The following FNBP4 variants were observed in gnomAD, a reference collection of about 807,000 sequenced individuals.
FNBP4 encodes the protein formin-binding protein 4.
Under a neutral mutation model 119.3 loss-of-function variants are expected in FNBP4, and 34 were observed. The ratio of observed to expected loss-of-function variants is 0.28; its 90% CI spans 0.22 to 0.38. The LOEUF is 0.38. Among genes scored for constraint, FNBP4 ranks in the 10% least tolerant of loss-of-function variants. FNBP4 has a pLI of 1.00. For synonymous variants in FNBP4, 462 were observed against 430.6 expected (o/e 1.07, Z -0.90); for missense variants, 1,112 against 1,228.9 (o/e 0.90, Z 1.42).
chr11:47,744,278 C>CTTT, intron 7 of FNBP4, 115 bp from the exon 8 acceptor site: 15 of 783,268 alleles, frequency 1.9e-5, no homozygotes, highest in Admixed American at 5.8e-5. Flanking sequence ...ACAGAAAGCA[C>CTTT]TTTTTTTTTT....
In FNBP4 at chr11:47,732,773, C is replaced by G; in HGVS notation, c.1687-103G>C. On this transcript the variant is annotated intron_variant, in intron 10 of 16. Coordinates refer to ENST00000263773, the MANE Select transcript of FNBP4 (RefSeq NM_015308.5). The surrounding 1 kb of genome is among the most constrained non-coding windows in gnomAD (Gnocchi z 4.2). ...TGCTCCAAGACTATATCCCTGTGCT[C>G]TGGCAGGACAGTAGACCAGAGAGGA... is the stretch of plus-strand genomic sequence containing the variant. 1 of 1,081,222 alleles carries G rather than the reference C, an allele frequency of 9.2e-7. No individual in the cohort carries two copies. The highest frequency in any genetic ancestry group is 2.2e-4 in the Middle Eastern group (1 of 4,590). 67.0% of individuals were successfully genotyped at this position (1,081,222 alleles called of 1,614,324 possible).
At chr11:47,754,809 C>G (rs2097612987) in intron 2 of FNBP4, 145 bp from the exon 3 acceptor site, 1 of 843,376 alleles carries the variant, frequency 1.2e-6, no homozygotes, top group Non-Finnish European at 1.8e-6. Context: ...TGAACTACCA[C>G]AGAAGAATAA....
chr11:47,766,915 C>T (rs752494479), intron 1 of FNBP4, 154 bp downstream of exon 1: 835 of 1,339,828 alleles, frequency 6.2e-4, no homozygotes, highest in Non-Finnish European at 7.7e-4. Flanking sequence ...CCTTCTGCGG[C>T]CCGGAGCCCA....
rs760926706 is a variant in FNBP4 at position 47,767,014 on chromosome 11, G to A, written c.220+55C>T. 13 of 1,493,072 alleles carry A rather than the reference G, an allele frequency of 8.7e-6. No individual in the cohort carries two copies. The South Asian group carries it at 8.8e-5, about 10-fold the overall frequency. 92.5% of individuals were successfully genotyped at this position (1,493,072 alleles called of 1,614,324 possible). A position where few individuals can be genotyped will look rare whatever the true frequency, so the allele number is the denominator to read the frequency against. On this transcript the variant is annotated intron_variant, in intron 1 of 16. Transcript: ENST00000263773. Reference sequence around the variant, plus strand: ...CGCCGGGTCTGGCCAGGCGCCGTGAGGAGCCTAGGCCGCAAGCCCTGAGCT... The same window carrying A: ...CGCCGGGTCTGGCCAGGCGCCGTGAAGAGCCTAGGCCGCAAGCCCTGAGCT...
rs1398596765 is a variant in FNBP4, at chr11:47,751,190, G to A, written c.738C>T (p.Pro246=). 3.7e-6 allele frequency: 6 copies of A among 1,613,904 alleles called. No individual in the cohort carries two copies. The Admixed American group carries it at 8.3e-5, about 22-fold the overall frequency. The stretch of plus-strand genomic sequence containing the variant: ...CCTGTACCTGTGTGGCAAGATATTG[G>A]GGTAACTCCCAAGTCACTTCATTTG... ...TQTNEVTWEL[P]QYLATQVQGL... is the part of the protein sequence containing the mutation. The change falls in exon 5 of 17, where the codon CCC becomes CCT. Residue 246 remains proline, a synonymous_variant. Coordinates refer to ENST00000263773, the MANE Select transcript of FNBP4 (RefSeq NM_015308.5).
At chr11:47,747,626 G>C (rs2135205971) in intron 6 of FNBP4, among the ~76,000 whole-genome samples, 2 of 152,214 alleles carry the variant, frequency 1.3e-5, no homozygotes, top group South Asian at 4.1e-4. Context: ...AATTTAGTAA[G>C]TATGCCATGA....
chr11:47,729,920 C>T (rs2097565525), intron 12 of FNBP4: 2 of 985,252 alleles, frequency 2.0e-6, no homozygotes, highest in East Asian at 1.1e-4. Context: ...AAGAATATAA[C>T]CTGTTTTATC....
At chr11:47,718,797 G>A (rs565899157) in intron 16 of FNBP4, among the ~76,000 whole-genome samples, 7 of 151,986 alleles carry the variant, frequency 4.6e-5, no homozygotes, top group African/African-American at 1.7e-4. Context: ...TGTACTTGCT[G>A]TGTCTAAAGT....
Position 47,724,784 on chromosome 11 carries a change from A to G in FNBP4, c.2009-6T>C. 2 of 1,534,230 alleles carry G rather than the reference A, an allele frequency of 1.3e-6. No individual in the cohort carries two copies. The highest frequency in any genetic ancestry group is 1.8e-6 in the Non-Finnish European group (2 of 1,142,264). Reference sequence around the variant, plus strand: ...GGATTCTTTACAAAGAGAACCTATGAAAACAGGTAAGAGTCAGGGAAAAAG... The same window carrying G: ...GGATTCTTTACAAAGAGAACCTATGGAAACAGGTAAGAGTCAGGGAAAAAG... On this transcript the variant is annotated splice_region_variant and splice_polypyrimidine_tract_variant and intron_variant, in intron 12 of 16. Transcript: ENST00000263773.
intron 12 of FNBP4, chr11:47,729,155 G>A (rs2097564636): frequency 3.0e-6 from 3 of 985,104 alleles, no homozygotes; most frequent in Non-Finnish European, 3.6e-6. Flanking sequence ...CCCGGCCTAG[G>A]CATCTTTATT....
chr11:47,741,847 A>T (rs2097582569), intron 8 of FNBP4, among the ~76,000 whole-genome samples: 1 of 152,036 alleles, frequency 6.6e-6, no homozygotes, highest in African/African-American at 2.4e-5. Context: ...AATGCACCAC[A>T]ATTTATCTAT....
rs1473079907 is a variant in FNBP4 at position 47,716,750 on chromosome 11, G to T, written c.*672C>A. The stretch of plus-strand genomic sequence containing the variant: ...GAGGTGAATTTTGTTTTGGAACAGG[G>T]TTAAGACAATGGAGACATTAATACA... On this transcript the variant is annotated 3_prime_UTR_variant, in exon 17 of 17. Transcript: ENST00000263773. The T allele has an allele frequency of 6.6e-6, 1 of 152,354 alleles. No individual in the cohort carries two copies. The highest frequency in any genetic ancestry group is 1.5e-5 in the Non-Finnish European group (1 of 68,040). The allele number at this position is 152,354 out of a possible 1,614,324, so 9.4% of individuals were successfully genotyped here. A position where few individuals can be genotyped will look rare whatever the true frequency, so the allele number is the denominator to read the frequency against.
At chr11:47,763,379 G>A (rs1247795308) in intron 2 of FNBP4, among the ~76,000 whole-genome samples, 1 of 147,114 alleles carries the variant, frequency 6.8e-6, no homozygotes, top group Non-Finnish European at 1.5e-5. Flanking sequence ...CCGGGAGGCA[G>A]AGGTTGCAGT....
chr11:47,738,034 C>G (rs140660777), intron 8 of FNBP4, among the ~76,000 whole-genome samples: 29 of 152,274 alleles, frequency 1.9e-4, no homozygotes, highest in East Asian at 9.7e-4. Context: ...TTAGCCACCA[C>G]GCCCGGCATG....
intron 9 of FNBP4, among the ~76,000 whole-genome samples, chr11:47,734,984 C>A (rs1053554502): frequency 5.4e-5 from 6 of 111,054 alleles, no homozygotes; most frequent in South Asian, 2.9e-4. Flanking sequence ...CAACACCCCC[C>A]CCCCCAAAAA....
chr11:47,722,940 T>A (rs1210374850), intron 15 of FNBP4, 36 bp downstream of exon 15: 2 of 1,463,410 alleles, frequency 1.4e-6, no homozygotes, highest in Non-Finnish European at 9.0e-7. Context: ...ATAAAATTTT[T>A]AAAAATAAAT....
chr11:47,764,196 C>T (rs1221890933), intron 2 of FNBP4, among the ~76,000 whole-genome samples: 1 of 152,174 alleles, frequency 6.6e-6, no homozygotes, highest in East Asian at 1.9e-4. Flanking sequence ...TCACTGCAAC[C>T]TCCACCTCCT....
chr11:47,753,891 C>T (rs541985867), intron 3 of FNBP4, among the ~76,000 whole-genome samples: 1 of 152,112 alleles, frequency 6.6e-6, no homozygotes, highest in African/African-American at 2.4e-5. Flanking sequence ...TTCTAATTTG[C>T]CTTTCTTCTC....
At position 47,716,987 on chromosome 11, in the gene FNBP4, G is replaced by C; in HGVS notation, c.*435C>G. On this transcript the variant is annotated 3_prime_UTR_variant, in exon 17 of 17. Coordinates refer to ENST00000263773, the MANE Select transcript of FNBP4 (RefSeq NM_015308.5). ...TCAGCACTTCAGGGGTGGCCGACTA[G>C]AGAAAAGAGGCCAGAAAAAGCTTCA... The C allele has an allele frequency of 6.3e-6, 1 of 158,234 alleles. No individual in the cohort carries two copies. The highest frequency in any genetic ancestry group is 1.4e-5 in the Non-Finnish European group (1 of 71,542). 9.8% of individuals were successfully genotyped at this position (158,234 alleles called of 1,614,324 possible).
Sources: gnomAD v4.1 joint callset for allele counts (sites outside exome capture counted in the v4.1 genomes callset) on GRCh38, gnomAD v4.1.1 for gene constraint, Gnocchi (gnomAD v3.1) non-coding constraint, MANE v1.5 for transcripts, NCBI Gene and HGNC (gene_info 2026-07-23, HGNC 2026-07-21) for gene names.